Variants in SEMA3A observed in about 807,000 individuals in gnomAD.
SEMA3A encodes the protein semaphorin-3A.
SEMA3A carries 29 observed loss-of-function variants against 97.9 expected under a neutral mutation model. The ratio of observed to expected loss-of-function variants is 0.30; its 90% CI spans 0.22 to 0.40. SEMA3A has a LOEUF of 0.40. Ranked by LOEUF, SEMA3A falls within the 10% of genes least tolerant of loss-of-function variation. The pLI, the probability that SEMA3A is intolerant of heterozygous loss-of-function variation, is 1.00. For synonymous variants in SEMA3A, 321 were observed against 323.7 expected (o/e 0.99, Z 0.09); for missense variants, 763 against 951.3 (o/e 0.80, Z 2.60).
chr7:83,956,503 T>C lies in SEMA3A; in HGVS notation c.*4868A>G, dbSNP rs1478285295. On this transcript the variant is annotated 3_prime_UTR_variant, in exon 17 of 17. Transcript: ENST00000265362. ...GTTGTGGGAACACTGTCTAGTGCTA[T>C]GACTTTAGCTGAGTAAAGATAAATG... The C allele has an allele frequency of 6.6e-6, 1 of 152,156 alleles. No homozygotes were observed. Among genetic ancestry groups the C allele is most frequent in the Non-Finnish European group, 1.5e-5 (1 of 68,040 alleles). The allele number at this position is 152,156 out of a possible 1,614,324, so 9.4% of individuals were successfully genotyped here.
chr7:84,418,861 G>C (rs1271098883), intron 1 of SEMA3A, among the ~76,000 whole-genome samples: 1 of 151,844 alleles, frequency 6.6e-6, no homozygotes, highest in Non-Finnish European at 1.5e-5. Context: ...TTGTAACTGT[G>C]AGTCAATTCT....
At chr7:84,320,683 T>C (rs1801624504) in intron 2 of SEMA3A, among the ~76,000 whole-genome samples, 1 of 152,102 alleles carries the variant, frequency 6.6e-6, no homozygotes. Flanking sequence ...CATGGGTTTA[T>C]TTCACAGTAA....
At chr7:84,112,839 C>T (rs753512164) in intron 3 of SEMA3A, among the ~76,000 whole-genome samples, 1 of 152,208 alleles carries the variant, frequency 6.6e-6, no homozygotes, top group African/African-American at 2.4e-5. Flanking sequence ...AATTCCCCTA[C>T]AGAGCTGTTG....
At chr7:84,373,170 C>T (rs955375410) in intron 1 of SEMA3A, among the ~76,000 whole-genome samples, 1 of 152,164 alleles carries the variant, frequency 6.6e-6, no homozygotes, top group Non-Finnish European at 1.5e-5. Context: ...CCCCAGTCAA[C>T]CTGTAGAAAC....
rs1025005134 is a variant in SEMA3A at position 84,430,692 on chromosome 7, G to T, written c.-245-58792C>A. Among the ~76,000 whole-genome samples the T allele has an allele frequency of 4.0e-5, 6 of 151,846 alleles. No homozygotes were observed. In the East Asian group the frequency reaches 5.8e-4, roughly 15 times the overall value. On this transcript the variant is annotated intron_variant, in intron 1 of 3. Transcript: ENST00000424555. ...CGTGGGATGAATATTTGGGAAACAGGTTGGCTGAGAGAGCCAGGCATATAA... is the reference window on the plus strand; with the variant it reads ...CGTGGGATGAATATTTGGGAAACAGTTTGGCTGAGAGAGCCAGGCATATAA...
chr7:84,293,520 C>CA (rs1290572711), intron 3 of SEMA3A, among the ~76,000 whole-genome samples: 5 of 151,896 alleles, frequency 3.3e-5, no homozygotes, highest in African/African-American at 9.6e-5. Flanking sequence ...TTTTCAGATG[C>CA]AAAAAATATA....
intron 3 of SEMA3A, among the ~76,000 whole-genome samples, chr7:84,262,341 A>G (rs990707193): frequency 2.0e-5 from 3 of 152,112 alleles, no homozygotes; most frequent in Admixed American, 6.5e-5. Flanking sequence ...CAGCCTCTCA[A>G]GTAGCTGGGA....
At chr7:84,142,313 A>G (rs2116076948) in intron 1 of SEMA3A, among the ~76,000 whole-genome samples, 1 of 152,314 alleles carries the variant, frequency 6.6e-6, no homozygotes, top group South Asian at 2.1e-4. Flanking sequence ...ATGGAAAAGT[A>G]GACAAATACC....
At chr7:84,016,149 G>A (rs147512956) in intron 6 of SEMA3A, among the ~76,000 whole-genome samples, 2 of 152,182 alleles carry the variant, frequency 1.3e-5, no homozygotes, top group East Asian at 1.9e-4. Context: ...AATGTGACAT[G>A]TTAGGAATTA....
At chr7:84,361,608 A>G (rs1802722748) in intron 2 of SEMA3A, among the ~76,000 whole-genome samples, 1 of 152,038 alleles carries the variant, frequency 6.6e-6, no homozygotes, top group Admixed American at 6.6e-5. Context: ...GTAATATAAA[A>G]TAAGAGTCAA....
chr7:84,246,255 T>C (rs1301900783), intron 3 of SEMA3A, among the ~76,000 whole-genome samples: 1 of 152,210 alleles, frequency 6.6e-6, no homozygotes, highest in Non-Finnish European at 1.5e-5. Context: ...GAATACAATT[T>C]CGTTGTTTTA....
intron 2 of SEMA3A, among the ~76,000 whole-genome samples, chr7:84,331,511 C>G (rs1272625594): frequency 6.6e-6 from 1 of 152,080 alleles, no homozygotes; most frequent in Admixed American, 6.6e-5. Flanking sequence ...TTCTTTATTA[C>G]TAGCAGTTTG....
chr7:84,064,003 T>A (rs1288916979), intron 4 of SEMA3A, among the ~76,000 whole-genome samples: 2 of 151,710 alleles, frequency 1.3e-5, no homozygotes, highest in Non-Finnish European at 2.9e-5. Flanking sequence ...GAAAAAATGT[T>A]AAGGGCAGCC....
intron 1 of SEMA3A, among the ~76,000 whole-genome samples, chr7:84,380,923 G>A (rs530788392): frequency 6.6e-6 from 1 of 152,134 alleles, no homozygotes; most frequent in Non-Finnish European, 1.5e-5. Context: ...AATTAGACAG[G>A]CTTTACCTGG....
intron 4 of SEMA3A, among the ~76,000 whole-genome samples, chr7:84,074,706 T>C (rs975474648): frequency 6.6e-6 from 1 of 151,964 alleles, no homozygotes; most frequent in Non-Finnish European, 1.5e-5. Flanking sequence ...TAGCTTTAGA[T>C]GTATAATAAT....
intron 4 of SEMA3A, among the ~76,000 whole-genome samples, chr7:84,075,543 T>G (rs1006925645): frequency 6.8e-6 from 1 of 146,272 alleles, no homozygotes; most frequent in African/African-American, 2.5e-5. Flanking sequence ...ACTGCAAACT[T>G]TGCCTCCTAG....
chr7:84,435,824 T>C (rs932437198), intron 1 of SEMA3A, among the ~76,000 whole-genome samples: 42 of 152,232 alleles, frequency 2.8e-4, no homozygotes, highest in Middle Eastern at 6.8e-3. Context: ...GAAAGCACTA[T>C]TGTAAAATTC....
intron 3 of SEMA3A, among the ~76,000 whole-genome samples, chr7:84,282,626 T>G (rs1174490975): frequency 2.0e-5 from 3 of 152,090 alleles, no homozygotes; most frequent in Non-Finnish European, 4.4e-5. Context: ...AAAAAATATT[T>G]TCATTTCTGT....
chr7:84,362,237 C>A (rs1427983411), intron 2 of SEMA3A, among the ~76,000 whole-genome samples: 4 of 151,652 alleles, frequency 2.6e-5, no homozygotes, highest in Non-Finnish European at 4.4e-5. Flanking sequence ...AAATAAATAA[C>A]CTTGAATAAA....
Sources: allele counts gnomAD v4.1 joint callset (sites outside exome capture counted in the v4.1 genomes callset), GRCh38; gene constraint gnomAD v4.1.1; transcripts MANE v1.5; gene names NCBI Gene and HGNC (gene_info 2026-07-23, HGNC 2026-07-21).